The following NCEH1 variants were observed in gnomAD, a reference collection of about 807,000 sequenced individuals.
NCEH1 encodes the protein neutral cholesterol ester hydrolase 1.
In NCEH1, 9 loss-of-function variants were observed where a neutral mutation model predicts 25.4. The ratio of observed to expected loss-of-function variants is 0.35; its 90% CI spans 0.21 to 0.62. The LOEUF (loss-of-function observed/expected upper bound fraction) is 0.62, where lower values mean the gene tolerates loss of function less well. Among genes scored for constraint, NCEH1 ranks in the 20% least tolerant of loss-of-function variants. The probability of loss-of-function intolerance (pLI) is 0.72; values close to 1 mark genes in which losing one functional copy is unlikely to be tolerated. For synonymous variants in NCEH1, 200 were observed against 199.8 expected (o/e 1.00, Z -0.01); for missense variants, 412 against 501.1 (o/e 0.82, Z 1.70).
At chr3:172,675,855 T>TAC (rs1711966178) in intron 1 of NCEH1, among the ~76,000 whole-genome samples, 1 of 152,250 alleles carries the variant, frequency 6.6e-6, no homozygotes, top group Admixed American at 6.5e-5. Flanking sequence ...AGTTATGGTC[T>TAC]ACAGGACCCC....
intron 1 of NCEH1, among the ~76,000 whole-genome samples, chr3:172,677,745 A>G (rs879762568): frequency 1.3e-5 from 2 of 152,158 alleles, no homozygotes; most frequent in Admixed American, 6.5e-5. Context: ...TGGCTAACAC[A>G]GCGAAACCCC....
chr3:172,692,469 C>T (rs1713118447), intron 1 of NCEH1, among the ~76,000 whole-genome samples: 1 of 151,982 alleles, frequency 6.6e-6, no homozygotes, highest in Non-Finnish European at 1.5e-5. Flanking sequence ...GTGATTCTCC[C>T]ACTTCAGCCT....
intron 1 of NCEH1, among the ~76,000 whole-genome samples, chr3:172,700,304 T>C (rs537118926): frequency 6.6e-6 from 1 of 152,266 alleles, no homozygotes; most frequent in East Asian, 1.9e-4. Context: ...TATACAAATG[T>C]AATTGTTTCT....
At chr3:172,668,049 C>T (rs191711540) in intron 1 of NCEH1, among the ~76,000 whole-genome samples, 26 of 152,278 alleles carry the variant, frequency 1.7e-4, no homozygotes, top group Non-Finnish European at 3.7e-4. Flanking sequence ...TTCTAACAAC[C>T]ATGATTGGTA....
chr3:172,635,856 G>C (rs901615053), intron 4 of NCEH1, 60 bp downstream of exon 4: 2 of 1,496,062 alleles, frequency 1.3e-6, no homozygotes, highest in African/African-American at 2.7e-5. Context: ...GGGTGTGTTG[G>C]TCTGCTAGAC....
chr3:172,700,998 C>T (rs1713646311), intron 1 of NCEH1, among the ~76,000 whole-genome samples: 1 of 152,136 alleles, frequency 6.6e-6, no homozygotes, highest in Non-Finnish European at 1.5e-5. Context: ...TTTCCACTTG[C>T]CACTGGTGTC....
At chr3:172,703,420 C>T (rs558962443) in intron 1 of NCEH1, among the ~76,000 whole-genome samples, 35 of 148,894 alleles carry the variant, frequency 2.4e-4, no homozygotes, top group African/African-American at 8.4e-4. Context: ...CCCAGCTACT[C>T]GGGAGGCTGA....
intron 1 of NCEH1, among the ~76,000 whole-genome samples, chr3:172,694,378 A>ATGTGTGTGTGTG (rs369794698): frequency 2.1e-4 from 32 of 151,346 alleles, no homozygotes; most frequent in African/African-American, 7.5e-4. Flanking sequence ...AGTTATATAT[A>ATGTGTGTGTGTG]TGTGTGTGTG....
intron 1 of NCEH1, among the ~76,000 whole-genome samples, chr3:172,664,647 CTTTG>C (rs1027695328): frequency 4.6e-5 from 7 of 152,126 alleles, no homozygotes; most frequent in African/African-American, 9.7e-5. Context: ...TTCTTGGAGG[CTTTG>C]TTTGTCTCTT....
At chr3:172,657,598 T>G (rs1304441662) in intron 1 of NCEH1, among the ~76,000 whole-genome samples, 1 of 152,214 alleles carries the variant, frequency 6.6e-6, no homozygotes, top group Non-Finnish European at 1.5e-5. Context: ...GAATTCTAGA[T>G]AACAGTCTTT....
At chr3:172,647,277 G>A (rs982900389) in intron 2 of NCEH1, among the ~76,000 whole-genome samples, 2 of 152,132 alleles carry the variant, frequency 1.3e-5, no homozygotes, top group Admixed American at 6.5e-5. Flanking sequence ...TCTTCTGGGC[G>A]GCTCTGTTTG....
chr3:172,644,336 A>G (rs1037721208), intron 3 of NCEH1, among the ~76,000 whole-genome samples: 2 of 152,220 alleles, frequency 1.3e-5, no homozygotes, highest in Non-Finnish European at 2.9e-5. Context: ...AGACTGCAGA[A>G]GAAAAGATCC....
chr3:172,685,937 G>C (rs1293654632), intron 1 of NCEH1, among the ~76,000 whole-genome samples: 3 of 152,168 alleles, frequency 2.0e-5, no homozygotes, highest in Non-Finnish European at 4.4e-5. Context: ...ACATTCTACA[G>C]AACAGCAGAT....
At chr3:172,674,268 T>C (rs1313662307) in intron 1 of NCEH1, among the ~76,000 whole-genome samples, 15 of 151,992 alleles carry the variant, frequency 9.9e-5, no homozygotes, top group Admixed American at 9.2e-4. Context: ...GGTGAAACCC[T>C]GTCTCTACTA....
At chr3:172,676,647 T>C (rs886307625) in intron 1 of NCEH1, among the ~76,000 whole-genome samples, 4 of 152,146 alleles carry the variant, frequency 2.6e-5, no homozygotes, top group African/African-American at 9.7e-5. Context: ...AGCTGTTTTC[T>C]TCCTTGCTTC....
chr3:172,665,375 G>A (rs1718159241), intron 1 of NCEH1, among the ~76,000 whole-genome samples: 1 of 152,152 alleles, frequency 6.6e-6, no homozygotes, highest in African/African-American at 2.4e-5. Flanking sequence ...GGGGCACCTG[G>A]CTGTATGAGG....
At chr3:172,652,810 C>T (rs183606652) in intron 1 of NCEH1, among the ~76,000 whole-genome samples, 4 of 152,232 alleles carry the variant, frequency 2.6e-5, no homozygotes, top group Admixed American at 2.6e-4. Flanking sequence ...ATTCTCCTGC[C>T]TTAGCCTCCC....
Position 172,710,902 on chromosome 3 carries a change from G to A in NCEH1, c.83C>T (p.Ser28Phe), listed in dbSNP as rs1226071714. 1 of 1,614,104 alleles carries A rather than the reference G, an allele frequency of 6.2e-7. No homozygotes were observed. The highest frequency in any genetic ancestry group is 8.5e-7 in the Non-Finnish European group (1 of 1,179,982). ...YVYIPLPGSV[S>F]DPWKLMLLDA... ...CAGCAGCATCAGCTTCCAGGGGTCG[G>A]ACACGGAGCCAGGCAGCGGGATGTA... is the stretch of plus-strand genomic sequence containing the variant. Residue 28 changes from serine to phenylalanine, a missense_variant, in exon 1 of 5, where the codon TCC becomes TTC. By Grantham distance (155) the Ser-to-Phe change is radical. This residue lies in a region of NCEH1 where 178 missense variants were observed against 189.2 expected (regional missense o/e 0.94). Coordinates refer to ENST00000475381, the MANE Select transcript of NCEH1 (RefSeq NM_020792.6).
At chr3:172,683,762 T>C (rs565477841) in intron 1 of NCEH1, among the ~76,000 whole-genome samples, 3 of 152,252 alleles carry the variant, frequency 2.0e-5, no homozygotes, top group Non-Finnish European at 4.4e-5. Context: ...AACTGCTTGA[T>C]AGGCTGGCAT....
Sources: gnomAD v4.1 joint callset for allele counts (sites outside exome capture counted in the v4.1 genomes callset) on GRCh38, gnomAD v4.1.1 for gene constraint, gnomAD v4.1.1 regional missense constraint, MANE v1.5 for transcripts, NCBI Gene and HGNC (gene_info 2026-07-23, HGNC 2026-07-21) for gene names.